CNR1: variants seen among roughly 807,000 people sequenced by gnomAD.
CNR1 encodes the protein cannabinoid receptor 1.
CNR1 carries 10 observed loss-of-function variants against 23.0 expected under a neutral mutation model. That is an observed-to-expected ratio of 0.43 (90% CI 0.27 to 0.74). The LOEUF (loss-of-function observed/expected upper bound fraction) is 0.74, where lower values mean the gene tolerates loss of function less well. Ranked by LOEUF, CNR1 falls within the 30% of genes least tolerant of loss-of-function variation. The probability of loss-of-function intolerance (pLI) is 0.19; values close to 1 mark genes in which losing one functional copy is unlikely to be tolerated. For synonymous variants in CNR1, 271 were observed against 255.2 expected, an observed-to-expected ratio of 1.06 and a Z score of -0.59; for missense variants, 422 against 618.8, an observed-to-expected ratio of 0.68 and a Z score of 3.37.
intron 1 of CNR1, chr6:88,162,872 T>G (rs936679135): frequency 1.3e-5 from 2 of 152,204 alleles, no homozygotes; most frequent in Admixed American, 1.3e-4. Context: ...TATAAATAAT[T>G]TAAACCCAAA....
At chr6:88,147,184 C>T (rs370021676) in intron 1 of CNR1, among the ~76,000 whole-genome samples, 50 of 152,224 alleles carry the variant, frequency 3.3e-4, no homozygotes, top group East Asian at 3.1e-3. Flanking sequence ...CATGGTGGCA[C>T]GCCTGTAATC....
chr6:88,146,360 C>T (rs1777185292), intron 1 of CNR1, among the ~76,000 whole-genome samples: 1 of 152,218 alleles, frequency 6.6e-6, no homozygotes, highest in Admixed American at 6.5e-5. Context: ...CCTGCCTCGG[C>T]CTCCCAAAGT....
Position 88,144,558 on chromosome 6 carries a change from C to T in CNR1, c.717G>A (p.Leu239=). The change falls in exon 2 of 2, where the codon CTG becomes CTA. Residue 239 remains leucine (L), a synonymous_variant. Transcript: ENST00000369501. The surrounding 1 kb of genome is among the most constrained non-coding windows in gnomAD (Gnocchi z 7.8). ...CGATCACAATGGCTATGGTCCACAT[C>T]AGGCAAAACGCCACCACGGCCTTGG... ...TRPKAVVAFC[L]MWTIAIVIAV... is the part of the protein sequence containing the mutation. 2 of 1,614,230 alleles carry T rather than the reference C, an allele frequency of 1.2e-6. No individual in the cohort carries two copies. Among genetic ancestry groups the T allele is most frequent in the Non-Finnish European group, 1.7e-6 (2 of 1,180,046 alleles).
Position 88,143,855 on chromosome 6 carries a change from C to G in CNR1, c.*1G>C, listed in dbSNP as rs77698129. ...CCTGTGCTGCCAGGGAGGCATCAGG[C>G]TCACAGAGCCTCGGCAGACGTGTCT... On this transcript the variant is annotated 3_prime_UTR_variant, in exon 2 of 2. Transcript: ENST00000369501. 2.2e-3 allele frequency: 3,601 copies of G among 1,610,762 alleles called. 9 individuals are homozygous for G. Among genetic ancestry groups the G allele is most frequent in the Admixed American group, 2.4e-3 (144 of 59,920 alleles).
At position 88,166,327 on chromosome 6, in the gene CNR1, C is replaced by A. The variant is rs1206850191; in HGVS notation, c.-588G>T. Reference sequence around the variant, plus strand: ...TCCCGCTCGCGCAGTCCCTGCCGCTCCCTCCGCTCGCGCTGTCTCTGGCTC... The same window carrying A: ...TCCCGCTCGCGCAGTCCCTGCCGCTACCTCCGCTCGCGCTGTCTCTGGCTC... On this transcript the variant is annotated 5_prime_UTR_variant, in exon 1 of 2. Transcript: ENST00000369501. 6.6e-6 allele frequency: 1 copy of A among 152,342 alleles called. No individual in the cohort carries two copies. The highest frequency in any genetic ancestry group is 1.9e-4 in the East Asian group (1 of 5,168). 9.4% of individuals were successfully genotyped at this position (152,342 alleles called of 1,614,324 possible).
At chr6:88,162,929 A>G (rs2127771840) in intron 1 of CNR1, 2 of 152,320 alleles carry the variant, frequency 1.3e-5, no homozygotes, top group Middle Eastern at 3.4e-3. Flanking sequence ...GAAAATGATA[A>G]ATACAAAAAT....
intron 1 of CNR1, among the ~76,000 whole-genome samples, chr6:88,148,166 C>T (rs573302577): frequency 1.9e-4 from 29 of 152,322 alleles, no homozygotes; most frequent in Admixed American, 8.5e-4. Flanking sequence ...GCTCCCATTG[C>T]CCCTTACACT....
Position 88,140,472 on chromosome 6 carries a change from TG to T in CNR1, c.*3383del, listed in dbSNP as rs879188333. 3 of 152,810 alleles carry T rather than the reference TG, an allele frequency of 2.0e-5. No homozygotes were observed. Among genetic ancestry groups the T allele is most frequent in the South Asian group, 4.1e-4 (2 of 4,834 alleles). The allele number at this position is 152,810 out of a possible 1,614,324, so 9.5% of individuals were successfully genotyped here. ...ATTCAGCCCAAATCAGTAGATAGAA[TG>T]TTTTTTTCTATATTACAATAGGCAT... On this transcript the variant is annotated 3_prime_UTR_variant, in exon 2 of 2. Coordinates refer to ENST00000369501, the MANE Select transcript of CNR1 (RefSeq NM_016083.6).
At chr6:88,167,178 C>T (rs1050979107), upstream of CNR1, among the ~76,000 whole-genome samples, 3 of 151,220 alleles carry the variant, frequency 2.0e-5, no homozygotes, top group Non-Finnish European at 4.4e-5. Flanking sequence ...CCCGGGGCCC[C>T]GCTCCTCGCA....
In CNR1 at chr6:88,141,948, T is replaced by C. The variant is rs940907165; in HGVS notation, c.*1908A>G. 1 of 152,216 alleles carries C rather than the reference T, an allele frequency of 6.6e-6. No individual in the cohort carries two copies. Among genetic ancestry groups the C allele is most frequent in the Non-Finnish European group, 1.5e-5 (1 of 68,004 alleles). 9.4% of individuals were successfully genotyped at this position (152,216 alleles called of 1,614,324 possible). ...CATGTTTTATCTGTATAAGAAGAGA[T>C]TATAATTAAAATTTGTCAGGGTTAA... On this transcript the variant is annotated 3_prime_UTR_variant, in exon 2 of 2. Coordinates refer to ENST00000369501, the MANE Select transcript of CNR1 (RefSeq NM_016083.6).
intron 1 of CNR1, among the ~76,000 whole-genome samples, chr6:88,153,920 G>A (rs1236468260): frequency 6.6e-6 from 1 of 152,178 alleles, no homozygotes; most frequent in African/African-American, 2.4e-5. Flanking sequence ...TAGAGTTTTG[G>A]AATTATTAAA....
chr6:88,164,729 A>G (rs777492954), intron 1 of CNR1, among the ~76,000 whole-genome samples: 60 of 152,234 alleles, frequency 3.9e-4, no homozygotes, highest in African/African-American at 1.1e-3. Context: ...GAGCTTCTCA[A>G]TATTCTGCAA....
rs1039259634 is a variant in CNR1, at chr6:88,165,429, G to C, written c.-64+374C>G. Among the ~76,000 whole-genome samples the C allele has an allele frequency of 7.2e-5, 11 of 152,204 alleles. 1 individual carries two copies. Among genetic ancestry groups the C allele is most frequent in the African/African-American group, 2.7e-4 (11 of 41,448 alleles). ...GACATTTACTATTTTACATTAGTCA[G>C]TTTCTAGGCTTGCAGCAGAGATCGA... is the stretch of plus-strand genomic sequence containing the variant. On this transcript the variant is annotated intron_variant, in intron 1 of 1. Transcript: ENST00000369501.
intron 1 of CNR1, among the ~76,000 whole-genome samples, chr6:88,157,763 T>C (rs1246606512): frequency 1.3e-5 from 2 of 152,164 alleles, no homozygotes; most frequent in East Asian, 3.9e-4. Context: ...AATTTCCAAA[T>C]ATGCAATAAT....
rs560320105 is a variant in CNR1, at chr6:88,142,548, C to A, written c.*1308G>T. 2 of 152,384 alleles carry A rather than the reference C, an allele frequency of 1.3e-5. No homozygotes were observed. The highest frequency in any genetic ancestry group is 4.8e-5 in the African/African-American group (2 of 41,536). 9.4% of individuals were successfully genotyped at this position (152,384 alleles called of 1,614,324 possible). ...CTGGTCTTGTGTAATACCTAAAGGT[C>A]AATTTAGTAATACTTGATCCAATCT... On this transcript the variant is annotated 3_prime_UTR_variant, in exon 2 of 2. Coordinates refer to ENST00000369501, the MANE Select transcript of CNR1 (RefSeq NM_016083.6).
chr6:88,164,656 A>T lies in CNR1; in HGVS notation c.-64+1147T>A, dbSNP rs151238037. Among the ~76,000 whole-genome samples, 504 of 152,324 alleles carry T rather than the reference A, an allele frequency of 3.3e-3. 4 individuals carry two copies. The highest frequency in any genetic ancestry group is 7.2e-3 in the African/African-American group (300 of 41,572). On this transcript the variant is annotated intron_variant, in intron 1 of 1. Coordinates refer to ENST00000369501, the MANE Select transcript of CNR1 (RefSeq NM_016083.6). Reference sequence around the variant, plus strand: ...CCTTGCAAACTGTCAGTAGGGTAGGATTAGAAAAGCAACACTTTAAATCAC... The same window carrying T: ...CCTTGCAAACTGTCAGTAGGGTAGGTTTAGAAAAGCAACACTTTAAATCAC...
At chr6:88,157,943 C>G (rs1777888301) in intron 1 of CNR1, among the ~76,000 whole-genome samples, 1 of 152,178 alleles carries the variant, frequency 6.6e-6, no homozygotes, top group African/African-American at 2.4e-5. Context: ...ATCATTCTCT[C>G]ACTAAAATAA....
chr6:88,147,872 C>A, intron 1 of CNR1: 1 of 152,562 alleles, frequency 6.6e-6, no homozygotes, highest in Non-Finnish European at 1.5e-5. Flanking sequence ...GACATGTATG[C>A]AACTCTCGTC....
intron 1 of CNR1, among the ~76,000 whole-genome samples, chr6:88,164,092 G>A (rs1778245271): frequency 6.6e-6 from 1 of 152,152 alleles, no homozygotes; most frequent in Admixed American, 6.5e-5. Context: ...TTAAAATTCA[G>A]GGGCATGAAT....
Sources: allele counts gnomAD v4.1 joint callset (sites outside exome capture counted in the v4.1 genomes callset), GRCh38; gene constraint gnomAD v4.1.1; non-coding constraint Gnocchi (gnomAD v3.1); transcripts MANE v1.5; gene names NCBI Gene and HGNC (gene_info 2026-07-23, HGNC 2026-07-21).